DEPDC5: variants seen among roughly 807,000 people sequenced by gnomAD.
The protein encoded by DEPDC5 is DEP domain containing 5, GATOR1 subcomplex subunit.
DEPDC5 carries 73 observed loss-of-function variants against 217.3 expected under a neutral mutation model. The observed-to-expected ratio is 0.34, with a 90% CI of 0.28 to 0.41. The LOEUF (loss-of-function observed/expected upper bound fraction) is 0.41, where lower values mean the gene tolerates loss of function less well. Ranked by LOEUF, DEPDC5 falls within the 10% of genes least tolerant of loss-of-function variation. DEPDC5 has a pLI of 1.00. For synonymous variants in DEPDC5, 733 were observed against 756.7 expected, an observed-to-expected ratio of 0.97 and a Z score of 0.51; for missense variants, 1,675 against 2,070.1, an observed-to-expected ratio of 0.81 and a Z score of 3.70.
rs1176615726 is a variant in DEPDC5, at chr22:31,754,088, G to C, written c.-137G>C. 2 of 153,736 alleles carry C rather than the reference G, an allele frequency of 1.3e-5. No homozygotes were observed. Among genetic ancestry groups the C allele is most frequent in the South Asian group, 4.1e-4 (2 of 4,888 alleles). The allele number at this position is 153,736 out of a possible 1,614,324, so 9.5% of individuals were successfully genotyped here. The stretch of plus-strand genomic sequence containing the variant: ...CGCGCGGGCGTAGGCGGGGTATCTG[G>C]AGGAGGCGCAGGGAACCTGGAGAGG... On this transcript the variant is annotated 5_prime_UTR_variant, in exon 1 of 43. Coordinates refer to ENST00000651528, the MANE Select transcript of DEPDC5 (RefSeq NM_001242896.3).
intron 9 of DEPDC5, 191 bp from the exon 10 acceptor site, chr22:31,784,620 CAAA>C (rs34957936): frequency 0.01 from 3,226 of 318,974 alleles, no homozygotes; most frequent in Middle Eastern, 0.018. Context: ...ACTCCCATCT[CAAA>C]AAAAAAAAAA....
chr22:31,787,023 G>A (rs866471739), intron 10 of DEPDC5, among the ~76,000 whole-genome samples: 76 of 151,556 alleles, frequency 5.0e-4, no homozygotes, highest in African/African-American at 1.7e-3. Flanking sequence ...CAGGTGATCC[G>A]CCTGCCTCGG....
chr22:31,865,402 G>A (rs955229423), intron 33 of DEPDC5, among the ~76,000 whole-genome samples: 2 of 152,114 alleles, frequency 1.3e-5, no homozygotes, highest in African/African-American at 4.8e-5. Context: ...ACTGAAGAGG[G>A]AGGAGTGCTT....
chr22:31,854,958 GTTTT>G (rs200660036), intron 31 of DEPDC5, among the ~76,000 whole-genome samples: 1 of 140,172 alleles, frequency 7.1e-6, no homozygotes, highest in Non-Finnish European at 1.6e-5. Context: ...AGTCTTGCTG[GTTTT>G]TTTTTTTTTT....
chr22:31,842,457 C>T (rs1379315108), intron 27 of DEPDC5, among the ~76,000 whole-genome samples: 1 of 151,984 alleles, frequency 6.6e-6, no homozygotes, highest in African/African-American at 2.4e-5. Flanking sequence ...TGCCTGTAAT[C>T]CCAGCTACTC....
chr22:31,838,886 C>T (rs1357763013), intron 27 of DEPDC5, 41 bp downstream of exon 27: 4 of 1,590,688 alleles, frequency 2.5e-6, no homozygotes, highest in Admixed American at 1.7e-5. Flanking sequence ...TTCTCTTCTA[C>T]TGTGTATGTG....
chr22:31,817,650 G>A (rs1010745534), intron 21 of DEPDC5, among the ~76,000 whole-genome samples: 1 of 151,526 alleles, frequency 6.6e-6, no homozygotes, highest in East Asian at 2.0e-4. Flanking sequence ...CACCACACCC[G>A]GCTAGTTTTT....
At chr22:31,823,542 A>G (rs1423564062) in intron 24 of DEPDC5, among the ~76,000 whole-genome samples, 2 of 144,122 alleles carry the variant, frequency 1.4e-5, no homozygotes, top group Non-Finnish European at 3.1e-5. Flanking sequence ...CAAAAAAAAA[A>G]AAAAAAAAAA....
At chr22:31,867,606 G>T (rs978048092) in intron 33 of DEPDC5, among the ~76,000 whole-genome samples, 2 of 152,206 alleles carry the variant, frequency 1.3e-5, no homozygotes, top group African/African-American at 4.8e-5. Flanking sequence ...AAGTTTTATT[G>T]TAATAGAGCC....
At chr22:31,763,632 A>G (rs1426927031) in intron 4 of DEPDC5, among the ~76,000 whole-genome samples, 1 of 146,396 alleles carries the variant, frequency 6.8e-6, no homozygotes, top group Non-Finnish European at 1.5e-5. Flanking sequence ...TTTTTTTTTT[A>G]ATTTTTGCTC....
intron 12 of DEPDC5, among the ~76,000 whole-genome samples, chr22:31,796,315 G>A (rs867606410): frequency 1.3e-5 from 2 of 151,498 alleles, no homozygotes; most frequent in South Asian, 4.2e-4. Context: ...GTGTTAGCCA[G>A]AATGGTCTCT....
intron 20 of DEPDC5, among the ~76,000 whole-genome samples, chr22:31,812,013 G>T (rs1306143506): frequency 1.3e-5 from 2 of 150,972 alleles, no homozygotes; most frequent in East Asian, 3.9e-4. Context: ...TTTCGAGATG[G>T]CGTCTTGCCC....
intron 13 of DEPDC5, 56 bp from the exon 14 acceptor site, chr22:31,798,522 TAAAA>T (rs528073098): frequency 7.6e-7 from 1 of 1,309,026 alleles, no homozygotes; most frequent in African/African-American, 1.5e-5. Flanking sequence ...CGTTTAAAAT[TAAAA>T]AAAAAAGTTC....
At position 31,864,501 on chromosome 22, in the gene DEPDC5, A is replaced by AATATATATATATATATATATATAT. The variant is rs34148134; in HGVS notation, c.3330+3069_3330+3092dup. On this transcript the variant is annotated intron_variant, in intron 33 of 42. Transcript: ENST00000651528. ...CCTTCTGAACCTGTTTCTTCATTAA[A>AATATATATATATATATATATATAT]ATATATATATATATATATATATATT... 9.9e-4 allele frequency among the ~76,000 whole-genome samples: 122 copies of AATATATATATATATATATATATAT among 123,046 alleles called. 1 individual carries two copies. Among genetic ancestry groups the AATATATATATATATATATATATAT allele is most frequent in the African/African-American group, 2.4e-3 (77 of 32,194 alleles). The allele number at this position is 123,046 out of a possible 152,430, so 80.7% of individuals were successfully genotyped here. A position where few individuals can be genotyped will look rare whatever the true frequency, so the allele number is the denominator to read the frequency against.
At chr22:31,822,008 T>C (rs1423819466) in intron 23 of DEPDC5, among the ~76,000 whole-genome samples, 1 of 152,260 alleles carries the variant, frequency 6.6e-6, no homozygotes, top group Non-Finnish European at 1.5e-5. Context: ...GCAACCTCTC[T>C]GACTTTTGTG....
At chr22:31,769,075 A>C (rs1290708110) in intron 7 of DEPDC5, 1 of 386,288 alleles carries the variant, frequency 2.6e-6, no homozygotes, top group Non-Finnish European at 4.7e-6. Flanking sequence ...ACTGGCTAAC[A>C]CGGTGAAACC....
In DEPDC5 at chr22:31,845,011, C is replaced by T. The variant is rs1372001440; in HGVS notation, c.2802-7C>T. On this transcript the variant is annotated splice_polypyrimidine_tract_variant and splice_region_variant and intron_variant, in intron 29 of 42. Transcript: ENST00000651528. ...ACCACCACCCTGTGTTTTCCTTGCC[C>T]CCTTAGCTTAATTGAGTCCCTGAAG... The T allele has an allele frequency of 6.2e-7, 1 of 1,614,072 alleles. No individual in the cohort carries two copies. The highest frequency in any genetic ancestry group is 1.3e-5 in the African/African-American group (1 of 75,042).
intron 20 of DEPDC5, 53 bp from the exon 21 acceptor site, chr22:31,814,939 A>G: frequency 3.1e-6 from 5 of 1,603,244 alleles, no homozygotes; most frequent in South Asian, 1.1e-5. Flanking sequence ...TTTTAACTCA[A>G]GGTAGGACAG....
At chr22:31,874,225 A>G (rs750738957) in intron 35 of DEPDC5, 48 bp from the exon 36 acceptor site, 4 of 1,583,228 alleles carry the variant, frequency 2.5e-6, no homozygotes, top group South Asian at 1.1e-5. Context: ...ACTTGTTGCC[A>G]TGGGGCACAC....
Sources: allele counts gnomAD v4.1 joint callset (sites outside exome capture counted in the v4.1 genomes callset), GRCh38; gene constraint gnomAD v4.1.1; transcripts MANE v1.5; gene names NCBI Gene and HGNC (gene_info 2026-07-23, HGNC 2026-07-21).